TSPAN16: variants seen among roughly 807,000 people sequenced by gnomAD.
TSPAN16 encodes tetraspanin 16.
In TSPAN16, 23 loss-of-function variants were observed where a neutral mutation model predicts 25.2. The ratio of observed to expected loss-of-function variants is 0.91; its 90% CI spans 0.66 to 1.29. TSPAN16 has a LOEUF of 1.29. Among genes scored for constraint, TSPAN16 ranks in the 50% most tolerant of loss-of-function variants. TSPAN16 has a pLI of 0.00. For missense variants in TSPAN16, 272 were observed against 299.9 expected (o/e 0.91, Z 0.69); for synonymous variants, 123 against 124.4 (o/e 0.99, Z 0.08).
intron 4 of TSPAN16, among the ~76,000 whole-genome samples, chr19:11,302,660 C>CATATATATATTTTATATAT (rs1320880788): frequency 8.2e-5 from 8 of 97,810 alleles, no homozygotes; most frequent in African/African-American, 4.2e-4. Context: ...TATACACATA[C>CATATATATATTTTATATAT]ATATATATAT....
chr19:11,316,117 GGTTT>G (rs1249636085), downstream of TSPAN16: 6,880 of 228,620 alleles, frequency 0.03, 198 homozygotes, highest in South Asian at 0.037. Flanking sequence ...GTGTGTGTGT[GGTTT>G]TTTTTTTTTT....
At position 11,298,915 on chromosome 19, in the gene TSPAN16, C is replaced by T; in HGVS notation, c.311C>T (p.Ala104Val). The change falls in exon 3 of 7, where the codon GCT (alanine) becomes GTT (valine). Residue 104 changes from alanine (A) to valine (V), a missense_variant. Coordinates refer to ENST00000590327, the MANE Select transcript of TSPAN16 (RefSeq NM_001282509.2). ...MVIVLIMEVTAATVVLLFFPI... is the reference protein window; with the variant it reads ...MVIVLIMEVTVATVVLLFFPI... ...ATTGTCCTCATCATGGAAGTTACAG[C>T]TGCCACAGTGGTCCTTCTTTTCTTT... The T allele has an allele frequency of 6.2e-7, 1 of 1,614,138 alleles. No homozygotes were observed. The highest frequency in any genetic ancestry group is 8.5e-7 in the Non-Finnish European group (1 of 1,180,006).
downstream of TSPAN16, chr19:11,316,052 C>A: frequency 1.3e-6 from 1 of 788,640 alleles, no homozygotes; most frequent in Non-Finnish European, 1.7e-6. Flanking sequence ...TATGCCCTTT[C>A]TCATACAACT....
chr19:11,316,040 A>G, downstream of TSPAN16: 1 of 936,440 alleles, frequency 1.1e-6, no homozygotes, highest in Non-Finnish European at 1.4e-6. Context: ...TGAATGAGAG[A>G]CTATGCCCTT....
At chr19:11,303,095 G>A (rs1032781280) in intron 4 of TSPAN16, among the ~76,000 whole-genome samples, 1 of 150,256 alleles carries the variant, frequency 6.7e-6, no homozygotes. Flanking sequence ...GATGACAATC[G>A]CGGCTTTGTG....
chr19:11,315,194 C>T (rs2080733255), intron 6 of TSPAN16, among the ~76,000 whole-genome samples: 1 of 148,308 alleles, frequency 6.7e-6, no homozygotes, highest in African/African-American at 2.5e-5. Flanking sequence ...CAAGATAGTG[C>T]CACAGCACTC....
chr19:11,320,683 A>G (rs141803407), downstream of TSPAN16, among the ~76,000 whole-genome samples: 1,261 of 151,976 alleles, frequency 8.3e-3, 14 homozygotes, highest in African/African-American at 0.028. Context: ...CAAAAAAAAA[A>G]AAAAGAAAAG....
chr19:11,324,267 A>T (rs1254995557), intron 6 of TSPAN16: 1 of 153,204 alleles, frequency 6.5e-6, no homozygotes, highest in Non-Finnish European at 1.4e-5. Flanking sequence ...AAGAAAAAAA[A>T]AAAAAAAGAA....
chr19:11,303,019 A>G (rs1390609356), intron 4 of TSPAN16, among the ~76,000 whole-genome samples: 2 of 149,188 alleles, frequency 1.3e-5, no homozygotes, highest in East Asian at 3.9e-4. Context: ...GGAAGTGAGG[A>G]GCCCCTCTGC....
At chr19:11,297,612 T>C (rs926542434) in intron 1 of TSPAN16, among the ~76,000 whole-genome samples, 2 of 152,074 alleles carry the variant, frequency 1.3e-5, no homozygotes, top group Admixed American at 6.6e-5. Flanking sequence ...TTCTTCTGCC[T>C]CAGCCTCCTG....
At chr19:11,296,487 C>T in intron 1 of TSPAN16, 121 bp downstream of exon 1, 1 of 1,029,314 alleles carries the variant, frequency 9.7e-7, no homozygotes, top group South Asian at 1.4e-5. Context: ...CCTGGAGAAG[C>T]AGGAGGGATG....
At chr19:11,315,687 G>T (rs759365790) in intron 6 of TSPAN16, 104 bp from the exon 7 acceptor site, 5 of 947,496 alleles carry the variant, frequency 5.3e-6, no homozygotes, top group Non-Finnish European at 6.9e-6. Flanking sequence ...CCTGCCCCTC[G>T]CCTTTCTGGA....
intron 6 of TSPAN16, among the ~76,000 whole-genome samples, chr19:11,321,130 C>G (rs1446214118): frequency 6.6e-6 from 1 of 151,052 alleles, no homozygotes; most frequent in African/African-American, 2.4e-5. Flanking sequence ...GATGGCACCA[C>G]TGCACTCCAG....
intron 4 of TSPAN16, among the ~76,000 whole-genome samples, chr19:11,302,894 T>G (rs1272640713): frequency 3.1e-3 from 465 of 147,624 alleles, no homozygotes; most frequent in African/African-American, 0.011. Flanking sequence ...AATTTTTTTT[T>G]TTTTTTTTGT....
At chr19:11,312,359 CA>C (rs1236882230) in intron 6 of TSPAN16, 137 bp downstream of exon 6, 3 of 450,152 alleles carry the variant, frequency 6.7e-6, no homozygotes, top group African/African-American at 6.4e-5. Context: ...CAAAGAAGAA[CA>C]AACTAAACCC....
chr19:11,319,061 C>T (rs145352048), downstream of TSPAN16, among the ~76,000 whole-genome samples: 1,504 of 152,348 alleles, frequency 9.9e-3, 8 homozygotes, highest in Non-Finnish European at 0.015. Flanking sequence ...TCAGTTCTGA[C>T]ACCAATTACC....
intron 1 of TSPAN16, among the ~76,000 whole-genome samples, chr19:11,297,728 C>T (rs977542495): frequency 6.6e-6 from 1 of 152,068 alleles, no homozygotes; most frequent in African/African-American, 2.4e-5. Context: ...AACTCCTGAC[C>T]TCAGGTGATC....
chr19:11,296,851 A>G (rs1568284518), intron 1 of TSPAN16, among the ~76,000 whole-genome samples: 1 of 152,044 alleles, frequency 6.6e-6, no homozygotes, highest in Non-Finnish European at 1.5e-5. Context: ...AGCCTTGGTC[A>G]ATATGGGGAA....
chr19:11,326,407 G>A (rs569011444), intron 6 of TSPAN16, among the ~76,000 whole-genome samples: 73 of 152,154 alleles, frequency 4.8e-4, no homozygotes, highest in Non-Finnish European at 8.5e-4. Flanking sequence ...GAAACCCTGC[G>A]GCTGCAGCCA....
Sources: allele counts gnomAD v4.1 joint callset (sites outside exome capture counted in the v4.1 genomes callset), GRCh38; gene constraint gnomAD v4.1.1; transcripts MANE v1.5; gene names NCBI Gene and HGNC (gene_info 2026-07-23, HGNC 2026-07-21).